PLA2G7: variants seen among roughly 807,000 people sequenced by gnomAD.
PLA2G7 encodes platelet-activating factor acetylhydrolase.
In PLA2G7, 63 loss-of-function variants were observed where a neutral mutation model predicts 49.6. The ratio of observed to expected loss-of-function variants is 1.27; its 90% CI spans 1.04 to 1.57. PLA2G7 has a LOEUF of 1.57. Among genes scored for constraint, PLA2G7 ranks in the 40% most tolerant of loss-of-function variants. PLA2G7 has a pLI of 0.00. For missense variants in PLA2G7, 596 were observed against 521.2 expected, an observed-to-expected ratio of 1.14 and a Z score of -1.40; for synonymous variants, 193 against 169.9, an observed-to-expected ratio of 1.14 and a Z score of -1.06.
chr6:46,734,690 C>A (rs1431456555), intron 1 of PLA2G7, among the ~76,000 whole-genome samples: 1 of 151,800 alleles, frequency 6.6e-6, no homozygotes, highest in Non-Finnish European at 1.5e-5. Context: ...GAGCGTGATA[C>A]GGCACGCCAG....
chr6:46,704,667 A>G lies in PLA2G7; in HGVS notation c.1219T>C (p.Cys407Arg), dbSNP rs1764741198. Reference sequence around the variant, plus strand: ...TTCTCATCATCTCCTTCAATCAAGCAGTCCCACTGATCAAAATCTTTATGA... The same window carrying G: ...TTCTCATCATCTCCTTCAATCAAGCGGTCCCACTGATCAAAATCTTTATGA... ...GLHKDFDQWD[C>R]LIEGDDENLI... is the part of the protein sequence containing the mutation. The change falls in exon 12 of 12, where the codon TGC becomes CGC. Residue 407 changes from cysteine (C) to arginine (R), a missense_variant. Cys to Arg is a radical substitution (Grantham distance 180). Coordinates refer to ENST00000274793, the MANE Select transcript of PLA2G7 (RefSeq NM_005084.4). 1.3e-6 allele frequency: 2 copies of G among 1,580,334 alleles called. No homozygotes were observed. The highest frequency in any genetic ancestry group is 8.7e-7 in the Non-Finnish European group (1 of 1,148,990).
intron 9 of PLA2G7, among the ~76,000 whole-genome samples, chr6:46,708,730 G>A (rs1764911752): frequency 6.6e-6 from 1 of 152,090 alleles, no homozygotes; most frequent in Non-Finnish European, 1.5e-5. Flanking sequence ...TCAAAGAAGA[G>A]AATTCTTACA....
chr6:46,714,544 G>T lies in PLA2G7; in HGVS notation c.386C>A (p.Thr129Lys), dbSNP rs1045605456. ...AGGGGAATTCCAGTTTGCAGGAGTT[G>T]TCATTGAACCTAGACAACAATGGAA... ...NILRLLFGSM[T>K]TPANWNSPLR... The change falls in exon 5 of 12, where the codon ACA (threonine) becomes AAA (lysine). Residue 129 changes from threonine (T) to lysine (K), a missense_variant. By Grantham distance (78) the Thr-to-Lys change is moderately conservative. Transcript: ENST00000274793. 3.1e-6 allele frequency: 5 copies of T among 1,600,056 alleles called. No individual in the cohort carries two copies. The highest frequency in any genetic ancestry group is 1.3e-5 in the African/African-American group (1 of 74,472).
rs1764742077 is a variant in PLA2G7 at position 46,704,684 on chromosome 6, T to C, written c.1202A>G (p.Asp401Gly). The C allele has an allele frequency of 6.3e-7, 1 of 1,577,376 alleles. No homozygotes were observed. Among genetic ancestry groups the C allele is most frequent in the Non-Finnish European group, 8.7e-7 (1 of 1,146,632 alleles). Residue 401 changes from aspartate to glycine, a missense_variant, in exon 12 of 12, where the codon GAT becomes GGT. Coordinates refer to ENST00000274793, the MANE Select transcript of PLA2G7 (RefSeq NM_005084.4). Reference protein sequence around the residue: ...FLQKHLGLHKDFDQWDCLIEG... With the variant: ...FLQKHLGLHKGFDQWDCLIEG... The stretch of plus-strand genomic sequence containing the variant: ...AATCAAGCAGTCCCACTGATCAAAA[T>C]CTTTATGAAGTCCTATAAAATATAA...
chr6:46,705,330 A>G, intron 10 of PLA2G7, 29 bp from the exon 11 acceptor site: 1 of 1,586,566 alleles, frequency 6.3e-7, no homozygotes, highest in South Asian at 1.1e-5. Flanking sequence ...TTTAAAAGTC[A>G]CATTGTTTGA....
At chr6:46,731,121 G>A (rs1330665739) in intron 1 of PLA2G7, among the ~76,000 whole-genome samples, 2 of 152,168 alleles carry the variant, frequency 1.3e-5, no homozygotes, top group Non-Finnish European at 2.9e-5. Context: ...GCACATCAGA[G>A]TGAGTCAGGA....
At position 46,708,452 on chromosome 6, in the gene PLA2G7, C is replaced by T. The variant is rs45561236; in HGVS notation, c.870-291G>A. 4.6e-3 allele frequency among the ~76,000 whole-genome samples: 703 copies of T among 152,236 alleles called. 5 individuals are homozygous for T. Among genetic ancestry groups the T allele is most frequent in the African/African-American group, 0.016 (664 of 41,542 alleles). On this transcript the variant is annotated intron_variant, in intron 9 of 11. Transcript: ENST00000274793. The stretch of plus-strand genomic sequence containing the variant: ...TTTATTCAAAATAAATTTTAGAATA[C>T]ATAATAATTTCTTCAACACTGTGGA...
intron 1 of PLA2G7, among the ~76,000 whole-genome samples, chr6:46,726,381 G>A (rs1055658561): frequency 6.3e-4 from 96 of 152,280 alleles, no homozygotes; most frequent in Middle Eastern, 3.4e-3. Flanking sequence ...GAACACACAG[G>A]AATAATTCAT....
intron 10 of PLA2G7, among the ~76,000 whole-genome samples, chr6:46,705,960 A>G (rs1287226389): frequency 6.6e-6 from 1 of 152,120 alleles, no homozygotes; most frequent in Non-Finnish European, 1.5e-5. Context: ...TTCTGACGCT[A>G]ACCACTCTAT....
intron 2 of PLA2G7, among the ~76,000 whole-genome samples, chr6:46,720,635 G>A (rs1024141872): frequency 6.6e-6 from 1 of 152,216 alleles, no homozygotes; most frequent in Non-Finnish European, 1.5e-5. Flanking sequence ...GAAGTGGAAG[G>A]AGGAGACTCA....
chr6:46,716,525 T>C lies in PLA2G7; in HGVS notation c.235A>G (p.Thr79Ala), dbSNP rs765208515. The C allele has an allele frequency of 9.9e-6, 16 of 1,613,520 alleles. No homozygotes were observed. In the African/African-American group the frequency reaches 1.6e-4, roughly 16 times the overall value. The change falls in exon 4 of 12, where the codon ACC becomes GCC. Residue 79 changes from threonine to alanine, a missense_variant. Physicochemically the swap from Thr to Ala is moderately conservative, Grantham distance 58. Coordinates refer to ENST00000274793, the MANE Select transcript of PLA2G7 (RefSeq NM_005084.4). ...GATGGATAATATAAACGCAAGAAGG[T>C]GCCCTGTTAAGAAAGAAATTAATGC... Reference protein sequence around the residue: ...DLMFDHTNKGTFLRLYYPSQD... With the variant: ...DLMFDHTNKGAFLRLYYPSQD...
chr6:46,712,485 G>T (rs1765061065), intron 5 of PLA2G7, 148 bp from the exon 6 acceptor site: 1 of 660,944 alleles, frequency 1.5e-6, no homozygotes, highest in Non-Finnish European at 2.8e-6. Context: ...AAAGGAGGGT[G>T]ATTTTGTTCC....
At chr6:46,714,641 C>T (rs1582570925) in intron 4 of PLA2G7, 88 bp from the exon 5 acceptor site, 1 of 825,710 alleles carries the variant, frequency 1.2e-6, no homozygotes, top group South Asian at 1.4e-5. Context: ...AAAATGCAGA[C>T]CCATCTGATT....
At chr6:46,718,292 G>A (rs1765282651) in intron 2 of PLA2G7, among the ~76,000 whole-genome samples, 1 of 152,214 alleles carries the variant, frequency 6.6e-6, no homozygotes, top group Non-Finnish European at 1.5e-5. Flanking sequence ...AAGGAGGAAT[G>A]TATTGTAATC....
intron 4 of PLA2G7, among the ~76,000 whole-genome samples, chr6:46,715,827 A>T (rs45454997): frequency 0.012 from 1,844 of 152,352 alleles, 32 homozygotes; most frequent in African/African-American, 0.042. Context: ...AGTAGTGTCT[A>T]GTCAAACAGA....
chr6:46,709,873 G>T (rs772828173), intron 8 of PLA2G7, among the ~76,000 whole-genome samples: 1 of 152,146 alleles, frequency 6.6e-6, no homozygotes, highest in Non-Finnish European at 1.5e-5. Context: ...GTACAAAGGA[G>T]CACACATGAC....
At chr6:46,714,000 C>T (rs1296991736) in intron 5 of PLA2G7, among the ~76,000 whole-genome samples, 1 of 152,182 alleles carries the variant, frequency 6.6e-6, no homozygotes, top group Non-Finnish European at 1.5e-5. Context: ...TCTTCTTATC[C>T]AATCCTTCTC....
upstream of PLA2G7, chr6:46,735,672 C>T (rs2150719986): frequency 3.3e-5 from 5 of 152,566 alleles, no homozygotes; most frequent in South Asian, 1.0e-3. Context: ...CTGAATTCAC[C>T]CCCCAGTCAG....
chr6:46,734,565 G>C (rs550265204), intron 1 of PLA2G7, among the ~76,000 whole-genome samples: 1 of 151,970 alleles, frequency 6.6e-6, no homozygotes, highest in African/African-American at 2.4e-5. Flanking sequence ...GCTCATGCCT[G>C]TAATCCCAGC....
Sources: gnomAD v4.1 joint callset for allele counts (sites outside exome capture counted in the v4.1 genomes callset) on GRCh38, gnomAD v4.1.1 for gene constraint, MANE v1.5 for transcripts, NCBI Gene and HGNC (gene_info 2026-07-23, HGNC 2026-07-21) for gene names.